RPTOR: variants seen among roughly 807,000 people sequenced by gnomAD.
RPTOR encodes the protein regulatory-associated protein of mTOR.
RPTOR carries 21 observed loss-of-function variants against 169.9 expected under a neutral mutation model. That is an observed-to-expected ratio of 0.12 (90% CI 0.09 to 0.18). The LOEUF (loss-of-function observed/expected upper bound fraction) is 0.18. Among genes scored for constraint, RPTOR ranks in the 10% least tolerant of loss-of-function variants. RPTOR has a pLI of 1.00. For synonymous variants in RPTOR, 732 were observed against 753.2 expected (o/e 0.97, Z 0.46); for missense variants, 1,133 against 1,855.9 (o/e 0.61, Z 7.16).
rs117805133 is a variant in RPTOR at position 80,558,520 on chromosome 17, C to T, written c.162+12729C>T. On this transcript the variant is annotated intron_variant, in intron 1 of 33. Transcript: ENST00000306801. ...AAATGTTGATGTAATTTCAAACTGACGGAAAACCTGTAAGAATAGTATCAT... is the reference window on the plus strand; with the variant it reads ...AAATGTTGATGTAATTTCAAACTGATGGAAAACCTGTAAGAATAGTATCAT... Among the ~76,000 whole-genome samples the T allele has an allele frequency of 9.3e-3, 1,414 of 152,274 alleles. 10 individuals carry two copies. The highest frequency in any genetic ancestry group is 0.016 in the Non-Finnish European group (1,069 of 68,020).
intron 1 of RPTOR, among the ~76,000 whole-genome samples, chr17:80,583,182 G>GTTTTTTTT (rs1166711662): frequency 0.026 from 2,075 of 79,082 alleles, 256 homozygotes; most frequent in Non-Finnish European, 0.034. Context: ...CCTCTTTCCT[G>GTTTTTTTT]TTTTTTTTTT....
chr17:80,687,527 A>G (rs2065957850), intron 3 of RPTOR, among the ~76,000 whole-genome samples: 1 of 152,142 alleles, frequency 6.6e-6, no homozygotes, highest in Non-Finnish European at 1.5e-5. Flanking sequence ...TCATTCGGTG[A>G]GTGGGTCTCC....
intron 3 of RPTOR, among the ~76,000 whole-genome samples, chr17:80,678,631 C>G (rs1402134136): frequency 2.0e-5 from 3 of 152,238 alleles, no homozygotes; most frequent in African/African-American, 4.8e-5. Flanking sequence ...CCTGTTTATA[C>G]TTGAGCCAGA....
chr17:80,904,168 C>T (rs1046997614), intron 20 of RPTOR, among the ~76,000 whole-genome samples: 2 of 152,298 alleles, frequency 1.3e-5, no homozygotes, highest in East Asian at 1.9e-4. Context: ...AGCGGCTGGT[C>T]AGCGTGATTC....
chr17:80,765,606 G>A (rs1343794530), intron 6 of RPTOR, among the ~76,000 whole-genome samples: 1 of 152,192 alleles, frequency 6.6e-6, no homozygotes, highest in East Asian at 1.9e-4. Flanking sequence ...AGCTGGTGGA[G>A]TCAGGATTCA....
chr17:80,959,719 G>A lies in RPTOR; in HGVS notation c.3478-359G>A, dbSNP rs978338074. On this transcript the variant is annotated intron_variant, in intron 29 of 33. Coordinates refer to ENST00000306801, the MANE Select transcript of RPTOR (RefSeq NM_020761.3). The surrounding 1 kb of genome is among the most constrained non-coding windows in gnomAD (Gnocchi z 6.7). ...CTTTTTAGGAAACAGAGAGAGGTTG[G>A]AAGTTTAATTGGCACTGACAGCCAG... 6.6e-6 allele frequency among the ~76,000 whole-genome samples: 1 copy of A among 152,210 alleles called. No homozygotes were observed. Among genetic ancestry groups the A allele is most frequent in the African/African-American group, 2.4e-5 (1 of 41,458 alleles).
intron 1 of RPTOR, among the ~76,000 whole-genome samples, chr17:80,566,914 TAAACAG>T (rs2064849868): frequency 6.6e-6 from 1 of 151,712 alleles, no homozygotes; most frequent in Non-Finnish European, 1.5e-5. Flanking sequence ...AGTGTTAGTT[TAAACAG>T]CAACAACAAA....
intron 3 of RPTOR, among the ~76,000 whole-genome samples, chr17:80,672,366 CTTT>C (rs61114947): frequency 2.0e-4 from 26 of 133,282 alleles, no homozygotes; most frequent in Admixed American, 3.0e-4. Context: ...TGCAAAGGTT[CTTT>C]TTTTTTTTTT....
intron 5 of RPTOR, among the ~76,000 whole-genome samples, chr17:80,751,288 A>G (rs761095396): frequency 5.3e-5 from 8 of 152,066 alleles, no homozygotes; most frequent in Non-Finnish European, 8.8e-5. Context: ...CCCAGATGGG[A>G]TAATGGGGCA....
intron 1 of RPTOR, among the ~76,000 whole-genome samples, chr17:80,557,818 C>G (rs1246622303): frequency 2.0e-5 from 3 of 149,446 alleles, no homozygotes; most frequent in Admixed American, 6.7e-5. Flanking sequence ...CCCAGCTACT[C>G]GGGAGGCTGA....
At chr17:80,934,519 C>G (rs1441731773) in intron 24 of RPTOR, among the ~76,000 whole-genome samples, 3 of 152,146 alleles carry the variant, frequency 2.0e-5, no homozygotes, top group Non-Finnish European at 4.4e-5. Flanking sequence ...CCACCAGACA[C>G]AGCGAATTTT....
chr17:80,813,767 T>G (rs1422493527), intron 7 of RPTOR, among the ~76,000 whole-genome samples: 1 of 152,264 alleles, frequency 6.6e-6, no homozygotes, highest in Non-Finnish European at 1.5e-5. Context: ...GTCATTTTCA[T>G]AGTAGTCATT....
intron 31 of RPTOR, 77 bp from the exon 32 acceptor site, chr17:80,962,384 C>T: frequency 1.7e-6 from 2 of 1,176,722 alleles, no homozygotes; most frequent in Non-Finnish European, 2.5e-6. Context: ...CCCCACACAC[C>T]TGGTTCCACC....
At chr17:80,813,427 G>A (rs1038811771) in intron 7 of RPTOR, among the ~76,000 whole-genome samples, 4 of 152,160 alleles carry the variant, frequency 2.6e-5, no homozygotes, top group Admixed American at 6.5e-5. Flanking sequence ...TACAATGACC[G>A]ACATGTGTGT....
intron 13 of RPTOR, among the ~76,000 whole-genome samples, chr17:80,868,540 T>C (rs1296949749): frequency 6.6e-6 from 1 of 152,198 alleles, no homozygotes; most frequent in African/African-American, 2.4e-5. Context: ...GTGCAAAGTG[T>C]GCACTACCAC....
At chr17:80,650,486 C>G (rs575993235) in intron 3 of RPTOR, among the ~76,000 whole-genome samples, 4 of 152,326 alleles carry the variant, frequency 2.6e-5, no homozygotes, top group African/African-American at 9.6e-5. Flanking sequence ...AATGTGGTCT[C>G]CTTTCTACCA....
chr17:80,577,255 C>A lies in RPTOR; in HGVS notation c.162+31464C>A, dbSNP rs1348930341. ...GTGTTGGTCAGGCTAATCTTGAACT[C>A]CTGACCTCAGGCAATCCATCTGAAC... On this transcript the variant is annotated intron_variant, in intron 1 of 33. Transcript: ENST00000306801. 2.0e-5 allele frequency among the ~76,000 whole-genome samples: 3 copies of A among 152,112 alleles called. No homozygotes were observed. In the East Asian group the frequency reaches 5.8e-4, roughly 29 times the overall value.
chr17:80,625,214 G>A (rs2065383939), intron 1 of RPTOR, among the ~76,000 whole-genome samples: 1 of 152,208 alleles, frequency 6.6e-6, no homozygotes, highest in African/African-American at 2.4e-5. Flanking sequence ...GAACCAGGCA[G>A]CATCACTGAT....
At chr17:80,569,246 C>T (rs528843161) in intron 1 of RPTOR, among the ~76,000 whole-genome samples, 5 of 152,188 alleles carry the variant, frequency 3.3e-5, no homozygotes, top group East Asian at 1.9e-4. Context: ...GGGAGTGTTA[C>T]GTTGTTGAGC....
Sources: gnomAD v4.1 joint callset for allele counts (sites outside exome capture counted in the v4.1 genomes callset) on GRCh38, gnomAD v4.1.1 for gene constraint, Gnocchi (gnomAD v3.1) non-coding constraint, MANE v1.5 for transcripts, NCBI Gene and HGNC (gene_info 2026-07-23, HGNC 2026-07-21) for gene names.